The following TRPC4AP variants were observed in gnomAD, a reference collection of about 807,000 sequenced individuals.
TRPC4AP encodes the protein transient receptor potential cation channel subfamily C member 4 associated protein.
Under a neutral mutation model 99.0 loss-of-function variants are expected in TRPC4AP, and 45 were observed. That is an observed-to-expected ratio of 0.45 (90% confidence interval 0.36 to 0.58). TRPC4AP has a LOEUF of 0.58. Ranked by LOEUF, TRPC4AP falls within the 20% of genes least tolerant of loss-of-function variation. The pLI is 0.00. For synonymous variants in TRPC4AP, 408 were observed against 385.8 expected (o/e 1.06, Z -0.67); for missense variants, 879 against 985.3 (o/e 0.89, Z 1.44).
chr20:35,019,181 C>A (rs2082827449), intron 9 of TRPC4AP, among the ~76,000 whole-genome samples: 1 of 152,166 alleles, frequency 6.6e-6, no homozygotes, highest in Admixed American at 6.5e-5. Context: ...CCAGTGTAGG[C>A]AGGATCTGGG....
chr20:35,082,588 C>T (rs1330329584), intron 1 of TRPC4AP, among the ~76,000 whole-genome samples: 2 of 152,124 alleles, frequency 1.3e-5, no homozygotes, highest in Non-Finnish European at 1.5e-5. Flanking sequence ...CCATTATAAC[C>T]CTGATACCAA....
Position 35,029,059 on chromosome 20 carries a change from C to A in TRPC4AP, c.1051+6064G>T, listed in dbSNP as rs567215823. Reference sequence around the variant, plus strand: ...CTGAGGCCATCTGAGACCAACCTGGCCAACATGCTGAAACCCCATCTCTAC... The same window carrying A: ...CTGAGGCCATCTGAGACCAACCTGGACAACATGCTGAAACCCCATCTCTAC... On this transcript the variant is annotated intron_variant, in intron 8 of 18. Coordinates refer to ENST00000252015, the MANE Select transcript of TRPC4AP (RefSeq NM_015638.3). Among the ~76,000 whole-genome samples the A allele has an allele frequency of 7.9e-5, 12 of 152,248 alleles. No homozygotes were observed. The South Asian group carries it at 2.3e-3, about 29-fold the overall frequency.
Position 35,003,284 on chromosome 20 carries a change from C to G in TRPC4AP, c.2257-1G>C. ...AGTATGAGAAGCTGATGCAGGAGCTCTGGGCAAAGAGGGAGGGGCTGGGGG... is the reference window on the plus strand; with the variant it reads ...AGTATGAGAAGCTGATGCAGGAGCTGTGGGCAAAGAGGGAGGGGCTGGGGG... On this transcript the variant is annotated splice_acceptor_variant, in intron 18 of 18. Coordinates refer to ENST00000252015, the MANE Select transcript of TRPC4AP (RefSeq NM_015638.3). LOFTEE classifies it high-confidence loss of function. 3 of 1,613,670 alleles carry G rather than the reference C, an allele frequency of 1.9e-6. No homozygotes were observed. Among genetic ancestry groups the G allele is most frequent in the Non-Finnish European group, 2.5e-6 (3 of 1,179,852 alleles).
chr20:35,024,566 G>T (rs1388646572), intron 8 of TRPC4AP, among the ~76,000 whole-genome samples: 1 of 152,106 alleles, frequency 6.6e-6, no homozygotes, highest in African/African-American at 2.4e-5. Context: ...GCTCAGGCCT[G>T]TAATTCCGGC....
At chr20:35,084,456 ATG>A (rs1333514232) in intron 1 of TRPC4AP, among the ~76,000 whole-genome samples, 19 of 148,190 alleles carry the variant, frequency 1.3e-4, no homozygotes, top group South Asian at 1.3e-3. Context: ...ATATGTATAT[ATG>A]TGTGTATATA....
At chr20:35,076,569 C>T (rs908357855) in intron 2 of TRPC4AP, among the ~76,000 whole-genome samples, 3 of 152,192 alleles carry the variant, frequency 2.0e-5, no homozygotes, top group African/African-American at 7.2e-5. Flanking sequence ...GCAGAGGCTG[C>T]AGAACAGCAA....
chr20:35,077,085 G>A (rs931183064), intron 2 of TRPC4AP, among the ~76,000 whole-genome samples: 3 of 152,146 alleles, frequency 2.0e-5, no homozygotes, highest in Non-Finnish European at 2.9e-5. Flanking sequence ...ATAATCTCCT[G>A]CTGTGCCATT....
intron 3 of TRPC4AP, among the ~76,000 whole-genome samples, chr20:35,063,096 T>C: frequency 6.6e-6 from 1 of 152,240 alleles, no homozygotes; most frequent in East Asian, 1.9e-4. Flanking sequence ...CCCATGCTGT[T>C]CTCGTGATAA....
At chr20:35,083,210 A>T (rs2084695859) in intron 1 of TRPC4AP, among the ~76,000 whole-genome samples, 1 of 152,210 alleles carries the variant, frequency 6.6e-6, no homozygotes. Context: ...TACAATTTTT[A>T]AATGCAGTTT....
intron 3 of TRPC4AP, among the ~76,000 whole-genome samples, chr20:35,064,521 AAGC>A (rs1282646647): frequency 6.6e-6 from 1 of 152,212 alleles, no homozygotes; most frequent in African/African-American, 2.4e-5. Context: ...TTTTAGCTTA[AAGC>A]AGCAGATTAA....
chr20:35,007,539 C>T lies in TRPC4AP; in HGVS notation c.1686+11G>A, dbSNP rs761841971. 6 of 1,613,980 alleles carry T rather than the reference C, an allele frequency of 3.7e-6. No individual in the cohort carries two copies. In the Admixed American group the frequency reaches 1.0e-4, roughly 27 times the overall value. On this transcript the variant is annotated intron_variant, in intron 14 of 18. Transcript: ENST00000252015. The stretch of plus-strand genomic sequence containing the variant: ...GACGGAACCCAAGACACTGGCTGCT[C>T]CAGATCATACCTCCAAGAGGCCTCG...
At chr20:35,073,790 A>C (rs2084391501) in intron 2 of TRPC4AP, among the ~76,000 whole-genome samples, 2 of 152,176 alleles carry the variant, frequency 1.3e-5, no homozygotes, top group African/African-American at 4.8e-5. Context: ...TCATAAAATG[A>C]GTTAGGGAGG....
rs557364091 is a variant in TRPC4AP at position 35,024,068 on chromosome 20, C to T, written c.1052-2712G>A. 1.4e-4 allele frequency among the ~76,000 whole-genome samples: 22 copies of T among 151,988 alleles called. No individual in the cohort carries two copies. The Middle Eastern group carries it at 0.01, about 72-fold the overall frequency. Reference sequence around the variant, plus strand: ...CTGAGTCTCTTCAGCTCTACCACACCGATTGGAGCGGTCACCACTCTCTGT... The same window carrying T: ...CTGAGTCTCTTCAGCTCTACCACACTGATTGGAGCGGTCACCACTCTCTGT... On this transcript the variant is annotated intron_variant, in intron 8 of 18. Transcript: ENST00000252015.
chr20:35,012,864 C>A, intron 11 of TRPC4AP, 144 bp downstream of exon 11: 1 of 765,936 alleles, frequency 1.3e-6, no homozygotes, highest in South Asian at 1.7e-5. Context: ...ACTGCAGTGT[C>A]ACACCTGCTA....
intron 8 of TRPC4AP, among the ~76,000 whole-genome samples, chr20:35,024,667 C>CA (rs2082976810): frequency 6.6e-6 from 1 of 151,068 alleles, no homozygotes; most frequent in African/African-American, 2.4e-5. Context: ...CTTTTTATTA[C>CA]AAAAAATAAA....
intron 5 of TRPC4AP, among the ~76,000 whole-genome samples, chr20:35,051,069 C>CACAT (rs1491277036): frequency 7.2e-6 from 1 of 138,076 alleles, no homozygotes; most frequent in Non-Finnish European, 1.6e-5. Flanking sequence ...CACACACACA[C>CACAT]ATATATATCC....
chr20:35,069,517 A>G (rs1418631924), intron 2 of TRPC4AP, 105 bp from the exon 3 acceptor site: 8 of 721,952 alleles, frequency 1.1e-5, no homozygotes, highest in Admixed American at 2.3e-5. Context: ...TCCCATGAAC[A>G]CAAAGACAGT....
intron 10 of TRPC4AP, among the ~76,000 whole-genome samples, chr20:35,015,801 A>T (rs565498148): frequency 2.0e-5 from 3 of 152,112 alleles, no homozygotes; most frequent in Admixed American, 6.5e-5. Context: ...GGAAGATCTT[A>T]AAAGGGATTT....
intron 13 of TRPC4AP, among the ~76,000 whole-genome samples, chr20:35,008,045 G>T (rs371955726): frequency 3.9e-5 from 6 of 152,226 alleles, no homozygotes; most frequent in African/African-American, 1.4e-4. Context: ...CACAGACGAT[G>T]GGCTGGCCTA....
Sources: gnomAD v4.1 joint callset for allele counts (sites outside exome capture counted in the v4.1 genomes callset) on GRCh38, gnomAD v4.1.1 for gene constraint, MANE v1.5 for transcripts, NCBI Gene and HGNC (gene_info 2026-07-23, HGNC 2026-07-21) for gene names.